DNAH11: variants seen among roughly 807,000 people sequenced by gnomAD.
DNAH11 encodes dynein axonemal heavy chain 11, also known as axonemal beta dynein heavy chain 11.
DNAH11 carries 442 observed loss-of-function variants against 526.0 expected under a neutral mutation model. That is an observed-to-expected ratio of 0.84 (90% CI 0.78 to 0.91). The LOEUF (loss-of-function observed/expected upper bound fraction) is 0.91. Ranked by LOEUF, DNAH11 falls within the 40% of genes least tolerant of loss-of-function variation. DNAH11 has a pLI of 0.00. For missense variants in DNAH11, 6,989 were observed against 5,448.7 expected, an observed-to-expected ratio of 1.28 and a Z score of -8.90; for synonymous variants, 2,461 against 1,935.9, an observed-to-expected ratio of 1.27 and a Z score of -7.12.
intron 57 of DNAH11, among the ~76,000 whole-genome samples, chr7:21,779,761 A>G (rs1417445007): frequency 6.6e-6 from 1 of 152,208 alleles, no homozygotes; most frequent in South Asian, 2.1e-4. Context: ...TACATCTGAT[A>G]TCTCAAAAGA....
intron 25 of DNAH11, among the ~76,000 whole-genome samples, chr7:21,628,853 C>T (rs866551182): frequency 4.1e-4 from 62 of 152,030 alleles, no homozygotes; most frequent in African/African-American, 1.3e-3. Flanking sequence ...CACAAAACCA[C>T]CTTTTGTGTT....
At chr7:21,736,453 G>C (rs1785616805) in intron 46 of DNAH11, among the ~76,000 whole-genome samples, 4 of 152,088 alleles carry the variant, frequency 2.6e-5, no homozygotes, top group Admixed American at 2.6e-4. Flanking sequence ...GGGAAAGGGG[G>C]CTCTGTTGGG....
At chr7:21,550,276 C>T (rs77306873) in intron 2 of DNAH11, among the ~76,000 whole-genome samples, 71,238 of 151,776 alleles carry the variant, frequency 0.47, 18,014 homozygotes, top group East Asian at 0.74. Flanking sequence ...GTCTTCTTTC[C>T]AAGTCTGGCT....
At chr7:21,544,262 C>G (rs961726424) in intron 1 of DNAH11, among the ~76,000 whole-genome samples, 1 of 152,160 alleles carries the variant, frequency 6.6e-6, no homozygotes, top group South Asian at 2.1e-4. Context: ...GAGCAAGATT[C>G]ACAATTTTTA....
intron 56 of DNAH11, among the ~76,000 whole-genome samples, chr7:21,777,135 A>T (rs1787710372): frequency 6.6e-6 from 1 of 151,984 alleles, no homozygotes; most frequent in Non-Finnish European, 1.5e-5. Context: ...TCACTAATCT[A>T]TTCTCCATTT....
At chr7:21,899,659 G>A (rs1418878678) in intron 80 of DNAH11, among the ~76,000 whole-genome samples, 1 of 152,206 alleles carries the variant, frequency 6.6e-6, no homozygotes, top group Non-Finnish European at 1.5e-5. Context: ...AGCAGCAAGA[G>A]TAGCCAAGTG....
intron 63 of DNAH11, among the ~76,000 whole-genome samples, chr7:21,813,357 C>T (rs1789617969): frequency 6.6e-6 from 1 of 152,130 alleles, no homozygotes; most frequent in Non-Finnish European, 1.5e-5. Flanking sequence ...AGCACTAATG[C>T]TAAGCCTCTG....
At chr7:21,802,019 G>T (rs1359704534) in intron 62 of DNAH11, among the ~76,000 whole-genome samples, 1 of 152,174 alleles carries the variant, frequency 6.6e-6, no homozygotes, top group Non-Finnish European at 1.5e-5. Context: ...GGAAATCACT[G>T]AACGTCTTCA....
rs114017050 is a variant in DNAH11, at chr7:21,720,230, T to C, written c.7135-495T>C. On this transcript the variant is annotated intron_variant, in intron 43 of 81. Coordinates refer to ENST00000409508, the MANE Select transcript of DNAH11 (RefSeq NM_001277115.2). ...GCCAAAGCGCTTACCGAAAGTGGTT[T>C]ATCTGAATGTCCAACAAGAAGGAAA... Among the ~76,000 whole-genome samples the C allele has an allele frequency of 5.9e-3, 895 of 152,344 alleles. 6 individuals carry two copies. The highest frequency in any genetic ancestry group is 0.021 in the African/African-American group (868 of 41,578).
intron 30 of DNAH11, 146 bp downstream of exon 30, chr7:21,659,177 C>A: frequency 1.4e-6 from 1 of 703,224 alleles, no homozygotes; most frequent in Non-Finnish European, 2.3e-6. Context: ...GTTGTTAAAT[C>A]ATTTTTTACC....
intron 54 of DNAH11, among the ~76,000 whole-genome samples, chr7:21,761,858 T>C (rs1786933555): frequency 6.6e-6 from 1 of 152,188 alleles, no homozygotes; most frequent in Non-Finnish European, 1.5e-5. Context: ...TTTCAATAAA[T>C]AATTAGTCCA....
rs1473597616 is a variant in DNAH11, at chr7:21,721,186, C to G, written c.7266+330C>G. ...CCTGAGACAGATCTCCTCCTCTGCC[C>G]CATACTCCAACTTGCCCCTGCTCTT... On this transcript the variant is annotated intron_variant, in intron 44 of 81. Transcript: ENST00000409508. Among the ~76,000 whole-genome samples the G allele has an allele frequency of 2.0e-5, 3 of 152,152 alleles. No individual in the cohort carries two copies. In the East Asian group the frequency reaches 5.8e-4, roughly 29 times the overall value.
chr7:21,544,239 TATG>T (rs1465127087), intron 1 of DNAH11, among the ~76,000 whole-genome samples: 3 of 152,330 alleles, frequency 2.0e-5, no homozygotes, highest in African/African-American at 7.2e-5. Flanking sequence ...ATTTTTCAAG[TATG>T]ATGAGTTTGG....
At chr7:21,700,598 C>T (rs905699461) in intron 36 of DNAH11, among the ~76,000 whole-genome samples, 1 of 152,148 alleles carries the variant, frequency 6.6e-6, no homozygotes, top group Non-Finnish European at 1.5e-5. Context: ...ACCCAGCAAT[C>T]CCCTTTCTAG....
At chr7:21,851,894 C>T (rs911530421) in intron 66 of DNAH11, among the ~76,000 whole-genome samples, 1 of 152,062 alleles carries the variant, frequency 6.6e-6, no homozygotes, top group Non-Finnish European at 1.5e-5. Context: ...CCAGAAGTTT[C>T]TGATGTTTTC....
chr7:21,802,181 A>C (rs1486171810), intron 62 of DNAH11, among the ~76,000 whole-genome samples: 1 of 152,252 alleles, frequency 6.6e-6, no homozygotes, highest in African/African-American at 2.4e-5. Context: ...AAAGAATTTG[A>C]ATAGACATTT....
At chr7:21,838,486 A>G (rs1219770839) in intron 65 of DNAH11, among the ~76,000 whole-genome samples, 2 of 152,202 alleles carry the variant, frequency 1.3e-5, no homozygotes, top group Non-Finnish European at 2.9e-5. Context: ...ATCTGTTTTA[A>G]AATGGAAATT....
At position 21,571,895 on chromosome 7, in the gene DNAH11, C is replaced by T. The variant is rs773061951; in HGVS notation, c.1515C>T (p.His505=). The change falls in exon 8 of 82, where the codon CAC becomes CAT. Residue 505 remains histidine, a synonymous_variant. Transcript: ENST00000409508. ...GAGCAATTTTAAATGGACAAGTCCA[C>T]GAGATGAGTGAAGAACTTATGGAAC... ...TKGAILNGQV[H]EMSEELMELC... The T allele has an allele frequency of 1.1e-5, 18 of 1,612,526 alleles. 1 individual carries two copies. The highest frequency in any genetic ancestry group is 8.4e-5 in the Admixed American group (5 of 59,866).
intron 25 of DNAH11, among the ~76,000 whole-genome samples, chr7:21,627,054 TC>T (rs1431990052): frequency 2.0e-5 from 3 of 152,114 alleles, no homozygotes; most frequent in African/African-American, 7.2e-5. Context: ...GGCCTGTGTG[TC>T]TTCTTTTGAG....
Sources: allele counts gnomAD v4.1 joint callset (sites outside exome capture counted in the v4.1 genomes callset), GRCh38; gene constraint gnomAD v4.1.1; transcripts MANE v1.5; gene names NCBI Gene and HGNC (gene_info 2026-07-23, HGNC 2026-07-21).